AOPEP: variants seen among roughly 807,000 people sequenced by gnomAD.
AOPEP encodes the protein aminopeptidase O (putative), also known as aminopeptidase O.
Under a neutral mutation model 98.1 loss-of-function variants are expected in AOPEP, and 77 were observed. The observed-to-expected ratio is 0.78, with a 90% CI of 0.65 to 0.95. The LOEUF (loss-of-function observed/expected upper bound fraction) is 0.95, where lower values mean the gene tolerates loss of function less well. AOPEP is among the 40% of genes least tolerant of loss of function. The pLI is 0.00. For synonymous variants in AOPEP, 346 were observed against 365.3 expected (o/e 0.95, Z 0.60); for missense variants, 1,024 against 1,024.7 (o/e 1.00, Z 0.01).
At chr9:95,054,250 CCTT>C (rs1204647778) in intron 13 of AOPEP, among the ~76,000 whole-genome samples, 1 of 151,974 alleles carries the variant, frequency 6.6e-6, no homozygotes, top group Non-Finnish European at 1.5e-5. Flanking sequence ...GAATGTTTTC[CCTT>C]TGGCCCCTTG....
At chr9:94,841,996 TG>T (rs1200926029) in intron 5 of AOPEP, among the ~76,000 whole-genome samples, 1 of 152,132 alleles carries the variant, frequency 6.6e-6, no homozygotes, top group African/African-American at 2.4e-5. Context: ...AAGGCTGCAA[TG>T]AGCTATGGTT....
At chr9:94,946,541 T>G (rs773557103) in intron 7 of AOPEP, among the ~76,000 whole-genome samples, 4 of 152,208 alleles carry the variant, frequency 2.6e-5, no homozygotes, top group Non-Finnish European at 5.9e-5. Context: ...AGGAAGAGCC[T>G]GATCCTTAGA....
chr9:94,939,285 A>G (rs1334590807), intron 7 of AOPEP, among the ~76,000 whole-genome samples: 4 of 152,018 alleles, frequency 2.6e-5, no homozygotes, highest in Admixed American at 2.6e-4. Flanking sequence ...TAATAATACA[A>G]TGTAAAGCCA....
intron 11 of AOPEP, among the ~76,000 whole-genome samples, chr9:94,979,695 G>A (rs541329014): frequency 9.9e-5 from 15 of 152,278 alleles, no homozygotes; most frequent in East Asian, 1.9e-4. Context: ...CCTGCAAGAC[G>A]TGGGGTAGAT....
chr9:95,072,674 T>A (rs1228617620), intron 14 of AOPEP, among the ~76,000 whole-genome samples: 2 of 152,184 alleles, frequency 1.3e-5, no homozygotes, highest in Non-Finnish European at 2.9e-5. Flanking sequence ...TGGTTCAAGT[T>A]GTGAGGAAGC....
At chr9:94,810,759 C>T (rs1461097361) in intron 5 of AOPEP, among the ~76,000 whole-genome samples, 2 of 152,164 alleles carry the variant, frequency 1.3e-5, no homozygotes, top group Admixed American at 6.5e-5. Flanking sequence ...GGCACCTAGG[C>T]AGTAGTAGGT....
At position 94,929,392 on chromosome 9, in the gene AOPEP, G is replaced by T. The variant is rs376930477; in HGVS notation, c.1661+861G>T. ...GTTTTTAAATATACACCCCCACTTCGCCTGACTGTGACTGAAGCCTAACGC... is the reference window on the plus strand; with the variant it reads ...GTTTTTAAATATACACCCCCACTTCTCCTGACTGTGACTGAAGCCTAACGC... On this transcript the variant is annotated intron_variant, in intron 7 of 16. Transcript: ENST00000375315. Among the ~76,000 whole-genome samples the T allele has an allele frequency of 2.6e-5, 4 of 152,324 alleles. No homozygotes were observed. In the East Asian group the frequency reaches 5.8e-4, roughly 22 times the overall value.
chr9:95,117,461 CTG>C, the AOPEP span: 118 of 1,269,444 alleles, frequency 9.3e-5, no homozygotes, highest in Non-Finnish European at 1.2e-4. Flanking sequence ...ATACAAAACT[CTG>C]AGTCCTCTGC....
At chr9:94,897,436 TAAAA>T (rs543651054) in intron 5 of AOPEP, among the ~76,000 whole-genome samples, 1 of 151,642 alleles carries the variant, frequency 6.6e-6, no homozygotes, top group Non-Finnish European at 1.5e-5. Context: ...AAATATTAAA[TAAAA>T]AAAAGCACAT....
At chr9:94,922,268 T>C (rs2053734877) in intron 5 of AOPEP, among the ~76,000 whole-genome samples, 1 of 152,200 alleles carries the variant, frequency 6.6e-6, no homozygotes, top group East Asian at 1.9e-4. Flanking sequence ...TGAATAGTCT[T>C]AGAGCGATTT....
intron 14 of AOPEP, among the ~76,000 whole-genome samples, chr9:95,080,387 G>A (rs549320926): frequency 4.6e-5 from 7 of 152,290 alleles, no homozygotes; most frequent in African/African-American, 1.7e-4. Context: ...CATGATGGCA[G>A]GTGCCTGTAA....
At chr9:95,043,527 G>A (rs1014901169) in intron 13 of AOPEP, among the ~76,000 whole-genome samples, 6 of 152,012 alleles carry the variant, frequency 3.9e-5, no homozygotes, top group Admixed American at 2.6e-4. Flanking sequence ...TGAGTTAATC[G>A]TTTGCTTTGT....
chr9:94,776,702 G>A (rs1031082714), intron 3 of AOPEP, among the ~76,000 whole-genome samples: 1 of 152,040 alleles, frequency 6.6e-6, no homozygotes, highest in African/African-American at 2.4e-5. Flanking sequence ...GAATTGGATG[G>A]GTATTTACTC....
chr9:94,935,065 G>A (rs1406151891), intron 7 of AOPEP: 1 of 152,212 alleles, frequency 6.6e-6, no homozygotes, highest in Non-Finnish European at 1.5e-5. Flanking sequence ...GGGGCCTGGC[G>A]GGAGGTGACT....
At position 94,967,691 on chromosome 9, in the gene AOPEP, T is replaced by C. The variant is rs372075466; in HGVS notation, c.1873-67T>C. ...TCAGTAGCTGGGAGCACTCAGCCTC[T>C]GGCATGGTTCCAGGCAGAGTTATTT... On this transcript the variant is annotated intron_variant, in intron 9 of 16. Coordinates refer to ENST00000375315, the MANE Select transcript of AOPEP (RefSeq NM_001193329.3). The C allele has an allele frequency of 1.6e-3, 2,194 of 1,378,932 alleles. 5 individuals are homozygous for C. The highest frequency in any genetic ancestry group is 2.2e-3 in the Non-Finnish European group (2,102 of 967,002). The allele number at this position is 1,378,932 out of a possible 1,614,324, so 85.4% of individuals were successfully genotyped here. A position where few individuals can be genotyped will look rare whatever the true frequency, so the allele number is the denominator to read the frequency against.
At chr9:94,928,806 A>G (rs2054798373) in intron 7 of AOPEP, 3 of 396,686 alleles carry the variant, frequency 7.6e-6, no homozygotes, top group Non-Finnish European at 1.4e-5. Context: ...CAGTCACTTT[A>G]CGTGGTGGCT....
chr9:95,069,925 A>G (rs2068305189), intron 14 of AOPEP, among the ~76,000 whole-genome samples: 1 of 152,254 alleles, frequency 6.6e-6, no homozygotes, highest in Non-Finnish European at 1.5e-5. Context: ...GAATTTACTA[A>G]CCTGGCTTTG....
intron 5 of AOPEP, among the ~76,000 whole-genome samples, chr9:94,840,005 C>G (rs2042096053): frequency 6.6e-6 from 1 of 152,028 alleles, no homozygotes; most frequent in Non-Finnish European, 1.5e-5. Context: ...TGGGCTTAAG[C>G]AATCTTCCTG....
intron 5 of AOPEP, chr9:94,904,275 GT>G (rs1380770075): frequency 6.6e-6 from 1 of 152,206 alleles, no homozygotes; most frequent in Non-Finnish European, 1.5e-5. Context: ...TCCCTGCACA[GT>G]GGCTGTGGTT....
Sources: allele counts gnomAD v4.1 joint callset (sites outside exome capture counted in the v4.1 genomes callset), GRCh38; gene constraint gnomAD v4.1.1; transcripts MANE v1.5; gene names NCBI Gene and HGNC (gene_info 2026-07-23, HGNC 2026-07-21).